RANBP2: variants seen among roughly 807,000 people sequenced by gnomAD.
RANBP2 encodes RAN binding protein 2, also known as E3 SUMO-protein ligase RanBP2.
A neutral mutation model predicts 303.6 loss-of-function variants in RANBP2; 57 were observed. The observed-to-expected ratio is 0.19, with a 90% CI of 0.15 to 0.23. RANBP2 has a LOEUF of 0.23. RANBP2 is among the 10% of genes least tolerant of loss of function. The pLI is 1.00. For synonymous variants in RANBP2, 1,167 were observed against 1,301.5 expected (o/e 0.90, Z 2.23); for missense variants, 3,138 against 3,780.8 (o/e 0.83, Z 4.46).
At chr2:109,668,520 G>T in the RANBP2 span, among the ~76,000 whole-genome samples, 24 of 152,200 alleles carry the variant, frequency 1.6e-4, no homozygotes, top group Admixed American at 2.6e-4. Flanking sequence ...GGCAACACTT[G>T]TGCGATGCTG....
chr2:108,853,447 T>C, the RANBP2 span, among the ~76,000 whole-genome samples: 1 of 152,126 alleles, frequency 6.6e-6, no homozygotes, highest in Non-Finnish European at 1.5e-5. Flanking sequence ...TCAATATATG[T>C]GTACCAATTT....
the RANBP2 span, among the ~76,000 whole-genome samples, chr2:109,155,366 T>A: frequency 1.3e-5 from 2 of 152,200 alleles, no homozygotes; most frequent in African/African-American, 4.8e-5. Context: ...AGTGGTGGGA[T>A]CTTGGCTCAC....
chr2:109,374,845 G>A, the RANBP2 span, among the ~76,000 whole-genome samples: 1 of 152,202 alleles, frequency 6.6e-6, no homozygotes. Flanking sequence ...CCTGGCCTCA[G>A]CTTCCCATCA....
the RANBP2 span, among the ~76,000 whole-genome samples, chr2:109,374,805 A>C: frequency 2.6e-5 from 4 of 152,204 alleles, no homozygotes; most frequent in African/African-American, 9.6e-5. Flanking sequence ...TATGGGGTTC[A>C]CCGAGGGACT....
chr2:108,794,604 C>T, the RANBP2 span: 1 of 1,614,056 alleles, frequency 6.2e-7, no homozygotes, highest in Non-Finnish European at 8.5e-7. Context: ...ATGCAGGTGA[C>T]TCTCCTTTGA....
At chr2:109,595,253 A>G in the RANBP2 span, among the ~76,000 whole-genome samples, 1 of 152,202 alleles carries the variant, frequency 6.6e-6, no homozygotes, top group Non-Finnish European at 1.5e-5. Flanking sequence ...AGATGCTCCT[A>G]TTTAAAAGCA....
the RANBP2 span, among the ~76,000 whole-genome samples, chr2:109,414,502 G>A: frequency 6.6e-6 from 1 of 152,130 alleles, no homozygotes; most frequent in Non-Finnish European, 1.5e-5. Context: ...CAATGGACAC[G>A]AGGAGCAATC....
At position 108,771,686 on chromosome 2, in the gene RANBP2, T is replaced by C; in HGVS notation, c.7850-15T>C. On this transcript the variant is annotated splice_polypyrimidine_tract_variant and intron_variant, in intron 20 of 28. Transcript: ENST00000283195. ...AATACCTTATCTTTGTCAATTTTTT[T>C]GACTGGTGTTACAGCAAAAGAGAAG... 2.5e-6 allele frequency: 4 copies of C among 1,610,684 alleles called. No homozygotes were observed. Among genetic ancestry groups the C allele is most frequent in the Non-Finnish European group, 2.5e-6 (3 of 1,179,784 alleles).
At chr2:109,301,501 G>A in the RANBP2 span, among the ~76,000 whole-genome samples, 2 of 152,072 alleles carry the variant, frequency 1.3e-5, no homozygotes, top group African/African-American at 2.4e-5. Flanking sequence ...GGGCAGTGCC[G>A]CAGAGTGACA....
At chr2:109,163,954 T>C in the RANBP2 span, among the ~76,000 whole-genome samples, 1 of 152,180 alleles carries the variant, frequency 6.6e-6, no homozygotes, top group African/African-American at 2.4e-5. Flanking sequence ...TCTGGATATG[T>C]TTTTGCTTCT....
chr2:109,332,973 A>C, the RANBP2 span, among the ~76,000 whole-genome samples: 1 of 152,232 alleles, frequency 6.6e-6, no homozygotes, highest in Non-Finnish European at 1.5e-5. Context: ...CAACATCAGC[A>C]GGATGCAGAA....
the RANBP2 span, among the ~76,000 whole-genome samples, chr2:109,000,357 T>C: frequency 6.6e-6 from 1 of 151,774 alleles, no homozygotes; most frequent in African/African-American, 2.4e-5. Flanking sequence ...CAAGACCCCC[T>C]CTCTACAAAA....
At chr2:109,438,655 C>T in the RANBP2 span, among the ~76,000 whole-genome samples, 1 of 152,202 alleles carries the variant, frequency 6.6e-6, no homozygotes, top group African/African-American at 2.4e-5. Flanking sequence ...TGCCCAAGCC[C>T]ACCCTGCAAC....
At chr2:109,065,793 C>G in the RANBP2 span, among the ~76,000 whole-genome samples, 1 of 152,206 alleles carries the variant, frequency 6.6e-6, no homozygotes, top group African/African-American at 2.4e-5. Flanking sequence ...CCGCGTCTTA[C>G]GAGCTGCTTG....
At chr2:109,588,068 A>G in the RANBP2 span, among the ~76,000 whole-genome samples, 1 of 152,108 alleles carries the variant, frequency 6.6e-6, no homozygotes, top group African/African-American at 2.4e-5. Context: ...AACAATGCAA[A>G]CCAGAAGACA....
At chr2:109,358,286 A>G in the RANBP2 span, among the ~76,000 whole-genome samples, 2 of 152,162 alleles carry the variant, frequency 1.3e-5, no homozygotes, top group Non-Finnish European at 2.9e-5. Context: ...CAGTTTGTTT[A>G]TCCATTCACC....
the RANBP2 span, among the ~76,000 whole-genome samples, chr2:109,460,669 T>A: frequency 6.6e-6 from 1 of 152,302 alleles, no homozygotes; most frequent in African/African-American, 2.4e-5. Context: ...ACCACATGTT[T>A]TCCCATTGAA....
At chr2:109,063,095 T>G in the RANBP2 span, among the ~76,000 whole-genome samples, 46 of 152,170 alleles carry the variant, frequency 3.0e-4, no homozygotes, top group Non-Finnish European at 6.0e-4. Context: ...CCCACCACCA[T>G]GCCAACCTGA....
the RANBP2 span, among the ~76,000 whole-genome samples, chr2:109,514,046 G>A: frequency 2.4e-4 from 37 of 152,310 alleles, no homozygotes; most frequent in Admixed American, 7.8e-4. Context: ...AAGCTAGAAC[G>A]GAGAAGGGCC....
Sources: allele counts gnomAD v4.1 joint callset (sites outside exome capture counted in the v4.1 genomes callset), GRCh38; gene constraint gnomAD v4.1.1; transcripts MANE v1.5; gene names NCBI Gene and HGNC (gene_info 2026-07-23, HGNC 2026-07-21).